SELENOV: variants seen among roughly 807,000 people sequenced by gnomAD.
SELENOV encodes selenoprotein V.
SELENOV carries 25 observed loss-of-function variants against 21.6 expected under a neutral mutation model. The ratio of observed to expected loss-of-function variants is 1.16; its 90% CI spans 0.84 to 1.62. SELENOV has a LOEUF of 1.62. SELENOV is among the 40% of genes most tolerant of loss of function. The pLI is 0.00. For missense variants in SELENOV, 472 were observed against 459.0 expected (o/e 1.03, Z -0.26); for synonymous variants, 227 against 216.9 (o/e 1.05, Z -0.41).
rs2079689680 is a variant in SELENOV at position 39,515,433 on chromosome 19, C to A, written c.221C>A (p.Pro74His). The stretch of plus-strand genomic sequence containing the variant: ...CCAGCCCAGATTCCCACTCTGGTCC[C>A]CACTCCCGCTCTGGCCCGGATCCCC... The change falls in exon 1 of 6, where the codon CCC becomes CAC. Residue 74 changes from proline to histidine, a missense_variant. Transcript: ENST00000335426. The surrounding 1 kb of genome is among the most constrained non-coding windows in gnomAD (Gnocchi z 5.1). The A allele has an allele frequency of 6.4e-7, 1 of 1,551,594 alleles. No individual in the cohort carries two copies. The highest frequency in any genetic ancestry group is 8.7e-7 in the Non-Finnish European group (1 of 1,146,940).
In SELENOV at chr19:39,515,899, C is replaced by A. The variant is rs1289548349; in HGVS notation, c.687C>A (p.Val229=). 6.3e-7 allele frequency: 1 copy of A among 1,584,290 alleles called. No homozygotes were observed. The highest frequency in any genetic ancestry group is 1.8e-5 in the Admixed American group (1 of 56,046). ...CGGATCCCCCCATTCCCAGTCCTGT[C>A]CCCTCGCCCATCCTGGGGACCATCC... Residue 229 remains valine, a synonymous_variant, in exon 1 of 6, where the codon GTC becomes GTA. Transcript: ENST00000335426. This position sits in a 1 kb window ranked among gnomAD's most constrained non-coding sequence, Gnocchi z 5.1.
chr19:39,518,379 G>A (rs995180903), intron 1 of SELENOV: 2 of 596,896 alleles, frequency 3.4e-6, no homozygotes, highest in Non-Finnish European at 6.0e-6. Flanking sequence ...GGGAGAAGTG[G>A]GAGAAGATGG....
At chr19:39,516,942 C>A (rs369186459) in intron 1 of SELENOV, among the ~76,000 whole-genome samples, 1 of 152,048 alleles carries the variant, frequency 6.6e-6, no homozygotes, top group South Asian at 2.1e-4. Context: ...CGTGATCCAC[C>A]CACCTTGGCC....
At chr19:39,517,484 T>C (rs1479560924) in intron 1 of SELENOV, among the ~76,000 whole-genome samples, 1 of 151,992 alleles carries the variant, frequency 6.6e-6, no homozygotes, top group East Asian at 1.9e-4. Flanking sequence ...ATCCGTACTG[T>C]GAACAAAAGG....
rs780597847 is a variant in SELENOV, at chr19:39,515,607, C to A, written c.395C>A (p.Ala132Glu). The stretch of plus-strand genomic sequence containing the variant: ...GCCCCAGCCCCAGCCCAGCTCCTGG[C>A]AGGGATTCGGGCCGCGCTCCCCGTC... The change falls in exon 1 of 6, where the codon GCA becomes GAA. Residue 132 changes from alanine to glutamate, a missense_variant. Transcript: ENST00000335426. This position sits in a 1 kb window ranked among gnomAD's most constrained non-coding sequence, Gnocchi z 5.1. The A allele has an allele frequency of 1.9e-6, 3 of 1,548,614 alleles. No individual in the cohort carries two copies. The highest frequency in any genetic ancestry group is 2.7e-5 in the African/African-American group (2 of 73,064).
rs781148764 is a variant in SELENOV, at chr19:39,515,317, T to C, written c.105T>C (p.Thr35=). Residue 35 remains threonine, a synonymous_variant, in exon 1 of 6, where the codon ACT becomes ACC. Coordinates refer to ENST00000335426, the Ensembl canonical transcript of SELENOV. This position sits in a 1 kb window ranked among gnomAD's most constrained non-coding sequence, Gnocchi z 5.1. The stretch of plus-strand genomic sequence containing the variant: ...CACCGACTCCACTCCGGACCCCGAC[T>C]CCGGTCCGGACTCGGACCCCCATCC... 8 of 1,551,004 alleles carry C rather than the reference T, an allele frequency of 5.2e-6. No homozygotes were observed. In the South Asian group the frequency reaches 5.9e-5, roughly 12 times the overall value.
chr19:39,518,540 G>A lies in SELENOV; in HGVS notation c.810-68G>A, dbSNP rs573320608. 38 of 1,500,678 alleles carry A rather than the reference G, an allele frequency of 2.5e-5. No homozygotes were observed. The South Asian group carries it at 4.4e-4, about 17-fold the overall frequency. 93.0% of individuals were successfully genotyped at this position (1,500,678 alleles called of 1,614,324 possible). A position where few individuals can be genotyped will look rare whatever the true frequency, so the allele number is the denominator to read the frequency against. On this transcript the variant is annotated intron_variant, in intron 1 of 5. Transcript: ENST00000335426. Reference sequence around the variant, plus strand: ...GTGTTCATAGGGTGCCCTGAGCTGGGGAAGATACTGATGCGGTGTCTTCCC... The same window carrying A: ...GTGTTCATAGGGTGCCCTGAGCTGGAGAAGATACTGATGCGGTGTCTTCCC...
chr19:39,515,208 GC>G lies in SELENOV; in HGVS notation c.-1del. ...AACCGGCTTGCCCCGGTCCCCCTGGGCCCCATGAATAACCAGGCGCGGACCC... is the reference window on the plus strand; with the variant it reads ...AACCGGCTTGCCCCGGTCCCCCTGGGCCCATGAATAACCAGGCGCGGACCC... On this transcript the variant is annotated 5_prime_UTR_variant, in exon 1 of 6. Coordinates refer to ENST00000335426, the Ensembl canonical transcript of SELENOV. The surrounding 1 kb of genome is among the most constrained non-coding windows in gnomAD (Gnocchi z 5.1). The G allele has an allele frequency of 3.3e-6, 5 of 1,536,358 alleles. No individual in the cohort carries two copies. The highest frequency in any genetic ancestry group is 4.4e-6 in the Non-Finnish European group (5 of 1,135,160).
chr19:39,518,998 G>A (rs1021914404), intron 4 of SELENOV, 21 bp downstream of exon 4: 5 of 1,613,502 alleles, frequency 3.1e-6, no homozygotes, highest in Non-Finnish European at 4.2e-6. Flanking sequence ...GTAAAGGTCC[G>A]GGACAGGGAG....
chr19:39,518,404 G>A, intron 1 of SELENOV: 1 of 615,470 alleles, frequency 1.6e-6, no homozygotes, highest in East Asian at 2.8e-5. Context: ...AGAGGGGTGA[G>A]AAGGCAGATC....
At chr19:39,517,733 T>C (rs951886418) in intron 1 of SELENOV, among the ~76,000 whole-genome samples, 1 of 151,590 alleles carries the variant, frequency 6.6e-6, no homozygotes, top group African/African-American at 2.4e-5. Flanking sequence ...GGTGAGTGGA[T>C]CACTTGAGGC....
At chr19:39,518,494 G>A in intron 1 of SELENOV, 114 bp from the exon 2 acceptor site, 6 of 1,042,602 alleles carry the variant, frequency 5.8e-6, no homozygotes, top group Non-Finnish European at 8.8e-6. Flanking sequence ...CTGAACAGGG[G>A]AGGAACATGA....
rs374863818 is a variant in SELENOV, at chr19:39,517,991, A to AAAAAAAAAAAAAAAAAAAAAAAG, written c.810-617_810-616insAAAAAAAAAAAAAAAAAAAAAAG. Among the ~76,000 whole-genome samples, 15 of 92,088 alleles carry AAAAAAAAAAAAAAAAAAAAAAAG rather than the reference A, an allele frequency of 1.6e-4. 2 individuals are homozygous for AAAAAAAAAAAAAAAAAAAAAAAG. The highest frequency in any genetic ancestry group is 2.9e-4 in the Non-Finnish European group (13 of 44,904). 60.4% of individuals were successfully genotyped at this position (92,088 alleles called of 152,430 possible). A position where few individuals can be genotyped will look rare whatever the true frequency, so the allele number is the denominator to read the frequency against. On this transcript the variant is annotated intron_variant, in intron 1 of 5. Coordinates refer to ENST00000335426, the Ensembl canonical transcript of SELENOV. ...AAAAAAAAAAAAAAAAAAAAAAAAA[A>AAAAAAAAAAAAAAAAAAAAAAAG]GCCCAGCGCGGTGGCTCACGCCTGT...
intron 1 of SELENOV, among the ~76,000 whole-genome samples, chr19:39,517,964 CAAAAAAAA>C (rs56157115): frequency 0.027 from 332 of 12,352 alleles, 8 homozygotes; most frequent in Non-Finnish European, 0.035. Context: ...GACTCTGTCT[CAAAAAAAA>C]AAAAAAAAAA....
intron 1 of SELENOV, chr19:39,518,401 T>C: frequency 1.7e-6 from 1 of 603,792 alleles, no homozygotes; most frequent in South Asian, 2.0e-5. Context: ...GACAGAGGGG[T>C]GAGAAGGCAG....
chr19:39,519,214 C>G, intron 5 of SELENOV, 44 bp downstream of exon 5: 1 of 1,372,302 alleles, frequency 7.3e-7, no homozygotes, highest in Admixed American at 1.8e-5. Context: ...GGGTGGAGGC[C>G]GGGTAGGAGG....
Position 39,515,667 on chromosome 19 carries a change from A to G in SELENOV, c.455A>G (p.Asp152Gly). The G allele has an allele frequency of 6.5e-7, 1 of 1,548,358 alleles. No homozygotes were observed. Among genetic ancestry groups the G allele is most frequent in the South Asian group, 1.2e-5 (1 of 84,020 alleles). ...TACCTGGCCCCGGCCCTACCTTTGG[A>G]TCCGCCCCCGGAACCTGCTCCGGAG... Residue 152 changes from aspartate to glycine, a missense_variant, in exon 1 of 6, where the codon GAT becomes GGT. Physicochemically the swap from Asp to Gly is moderately conservative, Grantham distance 94. Coordinates refer to ENST00000335426, the Ensembl canonical transcript of SELENOV. This position sits in a 1 kb window ranked among gnomAD's most constrained non-coding sequence, Gnocchi z 5.1.
rs770963210 is a variant in SELENOV, at chr19:39,516,196, G to T, written c.809+175G>T. 24 of 709,436 alleles carry T rather than the reference G, an allele frequency of 3.4e-5. No individual in the cohort carries two copies. In the South Asian group the frequency reaches 3.4e-4, roughly 10 times the overall value. 43.9% of individuals were successfully genotyped at this position (709,436 alleles called of 1,614,324 possible). A position where few individuals can be genotyped will look rare whatever the true frequency, so the allele number is the denominator to read the frequency against. On this transcript the variant is annotated intron_variant, in intron 1 of 5. Coordinates refer to ENST00000335426, the Ensembl canonical transcript of SELENOV. ...CCGCTCTTGTCTCTCATTCTCTTTG[G>T]GGCAGGAGAGCTTCAGGTTCAAATC...
intron 1 of SELENOV, 92 bp downstream of exon 1, chr19:39,516,113 T>A: frequency 8.7e-7 from 1 of 1,143,534 alleles, no homozygotes; most frequent in Non-Finnish European, 1.3e-6. Context: ...AGGGTTGGGG[T>A]AGGGCGAGGG....
Sources: gnomAD v4.1 joint callset for allele counts (sites outside exome capture counted in the v4.1 genomes callset) on GRCh38, gnomAD v4.1.1 for gene constraint, Gnocchi (gnomAD v3.1) non-coding constraint, MANE v1.5 for transcripts, NCBI Gene and HGNC (gene_info 2026-07-23, HGNC 2026-07-21) for gene names.